The following TMPRSS9 variants were observed in gnomAD, a reference collection of about 807,000 sequenced individuals.
TMPRSS9 encodes the protein transmembrane serine protease 9.
In TMPRSS9, 113 loss-of-function variants were observed where a neutral mutation model predicts 111.4. The ratio of observed to expected loss-of-function variants is 1.01; its 90% CI spans 0.87 to 1.19. The LOEUF is 1.19. TMPRSS9 is among the 50% of genes most tolerant of loss of function. The pLI is 0.00. For synonymous variants in TMPRSS9, 805 were observed against 659.1 expected (o/e 1.22, Z -3.39); for missense variants, 1,803 against 1,513.1 (o/e 1.19, Z -3.18).
intron 1 of TMPRSS9, among the ~76,000 whole-genome samples, chr19:2,377,456 TCCC>T (rs1970345850): frequency 1.3e-5 from 1 of 75,922 alleles, no homozygotes; most frequent in Non-Finnish European, 2.4e-5. Context: ...CCTTCTCCCC[TCCC>T]CTCTCCCCTC....
chr19:2,416,614 G>A lies in TMPRSS9; in HGVS notation c.1822G>A (p.Gly608Arg), dbSNP rs1352924635. The change falls in exon 12 of 18, where the codon GGG becomes AGG. Residue 608 changes from glycine (G) to arginine (R), a missense_variant. Gly to Arg is a moderately radical substitution (Grantham distance 125). Transcript: ENST00000648592. ...CCTGGGCGGGAGCCCGGTGAAGATC[G>A]GGCTGCGGCGGGTAGTGCTGCACCC... The A allele has an allele frequency of 1.4e-5, 22 of 1,612,470 alleles. No individual in the cohort carries two copies. Among genetic ancestry groups the A allele is most frequent in the South Asian group, 6.6e-5 (6 of 91,080 alleles).
At chr19:2,399,524 C>G (rs1175427327) in intron 4 of TMPRSS9, among the ~76,000 whole-genome samples, 2 of 152,030 alleles carry the variant, frequency 1.3e-5, no homozygotes, top group Non-Finnish European at 2.9e-5. Flanking sequence ...TGCAGTGAGC[C>G]GAGATCGTGC....
chr19:2,395,851 CA>C (rs1189484460), intron 1 of TMPRSS9, among the ~76,000 whole-genome samples: 1 of 151,952 alleles, frequency 6.6e-6, no homozygotes, highest in African/African-American at 2.4e-5. Flanking sequence ...ACTAAAAATA[CA>C]AAAAAATTAG....
upstream of TMPRSS9, among the ~76,000 whole-genome samples, chr19:2,384,915 G>A (rs1318152389): frequency 1.3e-5 from 2 of 149,122 alleles, no homozygotes; most frequent in Admixed American, 6.8e-5. Context: ...CCGGGAGGCA[G>A]AAGTTGCAGT....
At chr19:2,409,709 G>A (rs918153055) in intron 8 of TMPRSS9, among the ~76,000 whole-genome samples, 1 of 151,992 alleles carries the variant, frequency 6.6e-6, no homozygotes, top group African/African-American at 2.4e-5. Flanking sequence ...AGCGGGAACA[G>A]CATGTGCAAA....
intron 14 of TMPRSS9, among the ~76,000 whole-genome samples, chr19:2,423,376 G>C (rs556001500): frequency 6.6e-6 from 1 of 151,284 alleles, no homozygotes; most frequent in African/African-American, 2.4e-5. Flanking sequence ...TCTTATGTCA[G>C]GGCCAGACGG....
At chr19:2,363,096 C>T (rs946149244) in intron 1 of TMPRSS9, among the ~76,000 whole-genome samples, 14 of 152,182 alleles carry the variant, frequency 9.2e-5, no homozygotes, top group Admixed American at 2.0e-4. Flanking sequence ...TGTCCTGCCA[C>T]GCGGAATGGG....
intron 1 of TMPRSS9, among the ~76,000 whole-genome samples, chr19:2,367,670 T>C (rs559098312): frequency 1.3e-5 from 2 of 152,054 alleles, no homozygotes; most frequent in East Asian, 3.9e-4. Flanking sequence ...TTGACACCAT[T>C]CTCCTGCCTC....
At chr19:2,375,601 TGGCTGGA>T (rs1970326972) in intron 1 of TMPRSS9, among the ~76,000 whole-genome samples, 1 of 151,566 alleles carries the variant, frequency 6.6e-6, no homozygotes, top group African/African-American at 2.4e-5. Context: ...GACCAATCAC[TGGCTGGA>T]GATGGAAGGG....
At chr19:2,388,993 C>T (rs1970529994), upstream of TMPRSS9, among the ~76,000 whole-genome samples, 2 of 151,904 alleles carry the variant, frequency 1.3e-5, no homozygotes, top group Non-Finnish European at 2.9e-5. Context: ...GAACTTCAGA[C>T]TTACTCTTTC....
At chr19:2,384,708 A>G (rs1486581322) in intron 1 of TMPRSS9, among the ~76,000 whole-genome samples, 1 of 151,650 alleles carries the variant, frequency 6.6e-6, no homozygotes. Context: ...CAAGCTACTC[A>G]GGAGGCGGAG....
In TMPRSS9 at chr19:2,425,428, C is replaced by T. The variant is rs935330199; in HGVS notation, c.3055C>T (p.Pro1019Ser). 1.7e-5 allele frequency: 27 copies of T among 1,589,884 alleles called. No individual in the cohort carries two copies. The highest frequency in any genetic ancestry group is 2.2e-5 in the Non-Finnish European group (26 of 1,173,828). The change falls in exon 17 of 18, where the codon CCA (proline) becomes TCA (serine). Residue 1019 changes from proline (P) to serine (S), a missense_variant. Coordinates refer to ENST00000648592, the Ensembl canonical transcript of TMPRSS9. The stretch of plus-strand genomic sequence containing the variant: ...CGAGCAGACCTGCCGCCGCTTCTAC[C>T]CAGTGCAGATCAGCAGCCGCATGCT...
At chr19:2,416,405 G>C in intron 11 of TMPRSS9, 133 bp from the exon 13 acceptor site, 2 of 1,210,490 alleles carry the variant, frequency 1.7e-6, no homozygotes, top group Non-Finnish European at 2.2e-6. Flanking sequence ...CCCTGGAGCC[G>C]AAGGTCAGAG....
chr19:2,374,776 G>A (rs1970318139), intron 1 of TMPRSS9, among the ~76,000 whole-genome samples: 1 of 152,084 alleles, frequency 6.6e-6, no homozygotes, highest in South Asian at 2.1e-4. Context: ...TTGGTGAGGT[G>A]GGCGCCGAGT....
intron 1 of TMPRSS9, among the ~76,000 whole-genome samples, chr19:2,377,293 ATATGTATGTATG>A (rs1005280037): frequency 0.017 from 1,114 of 65,066 alleles, 19 homozygotes; most frequent in African/African-American, 0.1. Flanking sequence ...ATGTATGTAT[ATATGTATGTATG>A]TATGTATGTA....
At position 2,416,818 on chromosome 19, in the gene TMPRSS9, T is replaced by C; in HGVS notation, c.2017+9T>C. 2.5e-6 allele frequency: 4 copies of C among 1,598,520 alleles called. No homozygotes were observed. The highest frequency in any genetic ancestry group is 3.4e-6 in the Non-Finnish European group (4 of 1,173,338). On this transcript the variant is annotated intron_variant, in intron 12 of 17. Coordinates refer to ENST00000648592, the Ensembl canonical transcript of TMPRSS9. ...TACGCAGGAAGGAAATGGTGAGCGCTGCCCCATCGAGGGGAACGGTGGATT... is the reference window on the plus strand; with the variant it reads ...TACGCAGGAAGGAAATGGTGAGCGCCGCCCCATCGAGGGGAACGGTGGATT...
chr19:2,362,552 G>T (rs896035081), intron 1 of TMPRSS9, among the ~76,000 whole-genome samples: 1 of 147,304 alleles, frequency 6.8e-6, no homozygotes, highest in African/African-American at 2.7e-5. Context: ...GGATGGCTTT[G>T]TGTGGTTGTG....
intron 1 of TMPRSS9, among the ~76,000 whole-genome samples, chr19:2,361,970 T>A (rs1348775574): frequency 6.6e-6 from 1 of 151,926 alleles, no homozygotes; most frequent in East Asian, 1.9e-4. Flanking sequence ...TCTGGGTGAG[T>A]TGTCTGTGTG....
intron 12 of TMPRSS9, among the ~76,000 whole-genome samples, 159 bp downstream of exon 13, chr19:2,416,968 C>T (rs1256608707): frequency 6.6e-6 from 1 of 152,156 alleles, no homozygotes; most frequent in Non-Finnish European, 1.5e-5. Context: ...TGCCCACACA[C>T]CTCTCACTTC....
Sources: gnomAD v4.1 joint callset for allele counts (sites outside exome capture counted in the v4.1 genomes callset) on GRCh38, gnomAD v4.1.1 for gene constraint, MANE v1.5 for transcripts, NCBI Gene and HGNC (gene_info 2026-07-23, HGNC 2026-07-21) for gene names.